FAM200B: variants seen among roughly 807,000 people sequenced by gnomAD.
FAM200B encodes the protein protein FAM200B.
In FAM200B, 32 loss-of-function variants were observed where a neutral mutation model predicts 33.1. The observed-to-expected ratio is 0.97, with a 90% CI of 0.73 to 1.30. FAM200B has a LOEUF of 1.30. Ranked by LOEUF, FAM200B falls within the 50% of genes most tolerant of loss-of-function variation. The pLI, the probability that FAM200B is intolerant of heterozygous loss-of-function variation, is 0.00. For missense variants in FAM200B, 741 were observed against 754.0 expected, an observed-to-expected ratio of 0.98 and a Z score of 0.20; for synonymous variants, 240 against 264.8, an observed-to-expected ratio of 0.91 and a Z score of 0.91.
chr4:15,663,349 T>A, the FAM200B span, among the ~76,000 whole-genome samples: 1 of 152,216 alleles, frequency 6.6e-6, no homozygotes, highest in African/African-American at 2.4e-5. Flanking sequence ...TGAAATAGGA[T>A]ACCATAATAG....
the FAM200B span, among the ~76,000 whole-genome samples, chr4:15,647,325 T>C: frequency 6.6e-6 from 1 of 151,520 alleles, no homozygotes; most frequent in East Asian, 1.9e-4. Context: ...ATTTTCACTG[T>C]ATTATGTATT....
the FAM200B span, chr4:15,655,179 A>G: frequency 5.2e-5 from 71 of 1,370,790 alleles, no homozygotes; most frequent in Non-Finnish European, 6.5e-5. Context: ...CACCGCCCAC[A>G]GCGGGAGGCT....
chr4:15,637,780 T>C, the FAM200B span, among the ~76,000 whole-genome samples: 32 of 151,044 alleles, frequency 2.1e-4, no homozygotes, highest in African/African-American at 7.3e-4. Flanking sequence ...CTTTGTTAAA[T>C]AAAAATAAAA....
the FAM200B span, among the ~76,000 whole-genome samples, chr4:15,642,425 G>A: frequency 6.6e-6 from 1 of 151,824 alleles, no homozygotes; most frequent in East Asian, 1.9e-4. Context: ...TAGTAGAGAT[G>A]GGGTTTCACC....
chr4:15,655,246 T>C, the FAM200B span: 2 of 1,443,130 alleles, frequency 1.4e-6, no homozygotes, highest in Non-Finnish European at 1.9e-6. Context: ...TCCGCCAGTG[T>C]GGGGCGGTGA....
At chr4:15,640,101 C>T in the FAM200B span, among the ~76,000 whole-genome samples, 3 of 152,128 alleles carry the variant, frequency 2.0e-5, no homozygotes, top group South Asian at 2.1e-4. Flanking sequence ...AGTGCCATGG[C>T]GCAATCATGG....
At chr4:15,658,028 C>T in the FAM200B span, among the ~76,000 whole-genome samples, 1 of 152,212 alleles carries the variant, frequency 6.6e-6, no homozygotes, top group Non-Finnish European at 1.5e-5. Context: ...CTTACCTACT[C>T]TCATTCTCTC....
the FAM200B span, among the ~76,000 whole-genome samples, chr4:15,641,843 G>A: frequency 5.9e-5 from 9 of 151,902 alleles, no homozygotes; most frequent in Non-Finnish European, 8.8e-5. Context: ...CCAGCCCAAC[G>A]CGGCGAAACC....
upstream of FAM200B, among the ~76,000 whole-genome samples, chr4:15,677,230 G>C (rs1329781790): frequency 6.6e-6 from 1 of 152,068 alleles, no homozygotes; most frequent in Non-Finnish European, 1.5e-5. Flanking sequence ...TGGATGCTGG[G>C]TATATATGTT....
chr4:15,665,048 T>G, the FAM200B span, among the ~76,000 whole-genome samples: 1 of 152,140 alleles, frequency 6.6e-6, no homozygotes, highest in Non-Finnish European at 1.5e-5. Context: ...GTTTTTCATG[T>G]GCTCAGTCAT....
upstream of FAM200B, among the ~76,000 whole-genome samples, chr4:15,679,435 G>C (rs946688922): frequency 6.6e-6 from 1 of 151,886 alleles, no homozygotes; most frequent in African/African-American, 2.4e-5. Context: ...ATTTACCCAA[G>C]TCTCTTGTTT....
At chr4:15,660,570 CACTA>C in the FAM200B span, among the ~76,000 whole-genome samples, 1 of 152,216 alleles carries the variant, frequency 6.6e-6, no homozygotes, top group Non-Finnish European at 1.5e-5. Context: ...TCCCACTTCT[CACTA>C]CCTACCTACC....
chr4:15,666,946 T>C, the FAM200B span, among the ~76,000 whole-genome samples: 4 of 151,990 alleles, frequency 2.6e-5, no homozygotes, highest in Non-Finnish European at 4.4e-5. Context: ...ATTGTAGACA[T>C]ATATCAAAAC....
chr4:15,650,963 T>TG, the FAM200B span, among the ~76,000 whole-genome samples: 1 of 152,136 alleles, frequency 6.6e-6, no homozygotes, highest in Non-Finnish European at 1.5e-5. Context: ...CATTCTACAG[T>TG]GATAAATCAA....
the FAM200B span, among the ~76,000 whole-genome samples, chr4:15,676,367 T>A: frequency 2.6e-5 from 4 of 152,064 alleles, no homozygotes; most frequent in African/African-American, 9.7e-5. Flanking sequence ...TGTATGAGGA[T>A]GGAAACAGCC....
the FAM200B span, among the ~76,000 whole-genome samples, chr4:15,645,800 T>C: frequency 1.3e-5 from 2 of 152,218 alleles, no homozygotes; most frequent in Admixed American, 6.5e-5. Context: ...ACATGGTTGT[T>C]AGTACTCAAT....
At chr4:15,657,248 A>G in the FAM200B span, among the ~76,000 whole-genome samples, 3 of 152,216 alleles carry the variant, frequency 2.0e-5, no homozygotes, top group Non-Finnish European at 4.4e-5. Flanking sequence ...AACCAGTTAT[A>G]TAGAGAAATG....
the FAM200B span, among the ~76,000 whole-genome samples, chr4:15,645,533 T>C: frequency 6.6e-6 from 1 of 152,298 alleles, no homozygotes; most frequent in Non-Finnish European, 1.5e-5. Context: ...GTTCAAGCGA[T>C]TATCCTGCCT....
chr4:15,641,950 C>T, the FAM200B span, among the ~76,000 whole-genome samples: 1 of 151,892 alleles, frequency 6.6e-6, no homozygotes, highest in Non-Finnish European at 1.5e-5. Flanking sequence ...ACTGCTTGAA[C>T]CTGGAAGAAG....
Sources: gnomAD v4.1 joint callset for allele counts (sites outside exome capture counted in the v4.1 genomes callset) on GRCh38, gnomAD v4.1.1 for gene constraint, MANE v1.5 for transcripts, NCBI Gene and HGNC (gene_info 2026-07-23, HGNC 2026-07-21) for gene names.